TMEM225B: variants seen among roughly 807,000 people sequenced by gnomAD.
TMEM225B encodes transmembrane protein 225-like.
A neutral mutation model predicts 16.9 loss-of-function variants in TMEM225B; 10 were observed. The observed-to-expected ratio is 0.59, with a 90% CI of 0.36 to 1.00. TMEM225B has a LOEUF of 1.00. Among genes scored for constraint, TMEM225B ranks in the 50% least tolerant of loss-of-function variants. TMEM225B has a pLI of 0.01. For synonymous variants in TMEM225B, 92 were observed against 109.8 expected (o/e 0.84, Z 1.01); for missense variants, 217 against 267.0 (o/e 0.81, Z 1.30).
intron 3 of TMEM225B, chr7:99,605,564 G>A (rs1364731720): frequency 6.6e-6 from 1 of 151,452 alleles, no homozygotes; most frequent in African/African-American, 2.4e-5. Context: ...GAGTAGTTGG[G>A]ACTACAGGTG....
intron 1 of TMEM225B, among the ~76,000 whole-genome samples, chr7:99,599,507 G>A (rs1442540707): frequency 6.6e-6 from 1 of 152,128 alleles, no homozygotes; most frequent in Non-Finnish European, 1.5e-5. Context: ...AGGCATGAAT[G>A]CACCACTGCA....
intron 5 of TMEM225B, among the ~76,000 whole-genome samples, chr7:99,608,857 A>ACGTG (rs1212384042): frequency 6.8e-6 from 1 of 147,896 alleles, no homozygotes; most frequent in Non-Finnish European, 1.5e-5. Context: ...ATATATATAT[A>ACGTG]TACACACACA....
intron 2 of TMEM225B, among the ~76,000 whole-genome samples, chr7:99,603,767 T>G (rs963534633): frequency 2.0e-5 from 3 of 151,722 alleles, no homozygotes; most frequent in African/African-American, 4.8e-5. Context: ...AATTTTTTTT[T>G]TTGTTTTTTT....
Position 99,604,384 on chromosome 7 carries a change from A to G in TMEM225B, c.-3-2A>G, listed in dbSNP as rs1805615710. 6.5e-7 allele frequency: 1 copy of G among 1,534,510 alleles called. No individual in the cohort carries two copies. The highest frequency in any genetic ancestry group is 1.7e-4 in the Middle Eastern group (1 of 5,986). ...CTCCACGATCACTTTTCTCTTACACAGGTGATGCTGACGTTAGAGGACAAG... is the reference window on the plus strand; with the variant it reads ...CTCCACGATCACTTTTCTCTTACACGGGTGATGCTGACGTTAGAGGACAAG... On this transcript the variant is annotated splice_acceptor_variant, in intron 2 of 5. Coordinates refer to ENST00000431679, the MANE Select transcript of TMEM225B (RefSeq NM_001195541.3). LOFTEE classifies it low-confidence loss of function (5UTR_SPLICE).
chr7:99,610,055 G>A (rs1258315667), intron 5 of TMEM225B, among the ~76,000 whole-genome samples: 2 of 152,108 alleles, frequency 1.3e-5, no homozygotes, highest in African/African-American at 2.4e-5. Context: ...GTTCTTATTC[G>A]TGTCAGTTGT....
chr7:99,598,561 T>A (rs1562949361), intron 1 of TMEM225B, among the ~76,000 whole-genome samples, 180 bp downstream of exon 1: 2 of 152,102 alleles, frequency 1.3e-5, no homozygotes, highest in Non-Finnish European at 2.9e-5. Context: ...CTTGGGGTCT[T>A]GAAAATATCC....
In TMEM225B at chr7:99,606,210, G is replaced by T. The variant is rs943952786; in HGVS notation, c.209-538G>T. ...GTTGAGAGGCCAAAATGGGAGGATC[G>T]CTGGAGCCCAGGAGGTTGAGGCTGC... On this transcript the variant is annotated intron_variant, in intron 3 of 5. Coordinates refer to ENST00000431679, the MANE Select transcript of TMEM225B (RefSeq NM_001195541.3). Among the ~76,000 whole-genome samples the T allele has an allele frequency of 9.8e-4, 149 of 152,306 alleles. No individual in the cohort carries two copies. In the Middle Eastern group the frequency reaches 0.01, roughly 10 times the overall value.
chr7:99,601,764 G>A (rs1383478424), intron 2 of TMEM225B, among the ~76,000 whole-genome samples: 9 of 152,184 alleles, frequency 5.9e-5, no homozygotes, highest in African/African-American at 2.2e-4. Flanking sequence ...TCTGCCCTCT[G>A]CCATTAGGCT....
rs573935219 is a variant in TMEM225B, at chr7:99,602,034, G to T, written c.-4+1749G>T. On this transcript the variant is annotated intron_variant, in intron 2 of 5. Coordinates refer to ENST00000431679, the MANE Select transcript of TMEM225B (RefSeq NM_001195541.3). Reference sequence around the variant, plus strand: ...ACCGTGATGCTGCCAAGCCCAGCCTGGCACAGGCAAGGGTCCCCAGGTCTG... The same window carrying T: ...ACCGTGATGCTGCCAAGCCCAGCCTTGCACAGGCAAGGGTCCCCAGGTCTG... Among the ~76,000 whole-genome samples, 9 of 152,344 alleles carry T rather than the reference G, an allele frequency of 5.9e-5. No individual in the cohort carries two copies. The South Asian group carries it at 1.7e-3, about 28-fold the overall frequency.
chr7:99,603,745 T>TC (rs1805550534), intron 2 of TMEM225B, among the ~76,000 whole-genome samples: 2 of 147,768 alleles, frequency 1.4e-5, no homozygotes, highest in African/African-American at 5.3e-5. Context: ...TTTTCTTTTT[T>TC]TTAAATTATT....
intron 5 of TMEM225B, among the ~76,000 whole-genome samples, chr7:99,608,734 TAC>T (rs35501095): frequency 0.066 from 7,457 of 113,410 alleles, 227 homozygotes; most frequent in East Asian, 0.14. Flanking sequence ...TATATATATA[TAC>T]ACACACACAC....
intron 2 of TMEM225B, among the ~76,000 whole-genome samples, chr7:99,600,851 C>A (rs948410857): frequency 6.6e-6 from 1 of 151,868 alleles, no homozygotes; most frequent in Non-Finnish European, 1.5e-5. Context: ...GGAGACGTGG[C>A]AGGCGTGGGG....
At position 99,607,828 on chromosome 7, in the gene TMEM225B, A is replaced by C; in HGVS notation, c.493+18A>C. On this transcript the variant is annotated intron_variant, in intron 5 of 5. Coordinates refer to ENST00000431679, the MANE Select transcript of TMEM225B (RefSeq NM_001195541.3). ...AGTGGCTGGTGAGTGTCCAGGGAAC[A>C]GTGCCCTGCTTCTTGTCCTCGGTCT... 1 of 1,534,118 alleles carries C rather than the reference A, an allele frequency of 6.5e-7. No homozygotes were observed. Among genetic ancestry groups the C allele is most frequent in the Non-Finnish European group, 8.7e-7 (1 of 1,145,932 alleles).
At chr7:99,607,565 G>T (rs747622960) in intron 4 of TMEM225B, 108 bp from the exon 5 acceptor site, 5 of 1,123,384 alleles carry the variant, frequency 4.5e-6, no homozygotes, top group Non-Finnish European at 6.1e-6. Context: ...GTTTCAGAGA[G>T]GGGGCAAGGA....
intron 2 of TMEM225B, among the ~76,000 whole-genome samples, 158 bp from the exon 3 acceptor site, chr7:99,604,228 T>C (rs1051338377): frequency 4.6e-5 from 7 of 152,090 alleles, no homozygotes; most frequent in African/African-American, 1.4e-4. Context: ...CAGAGGTGTA[T>C]AGGCTGTAAA....
chr7:99,604,997 AAAC>A (rs143208811), intron 3 of TMEM225B, among the ~76,000 whole-genome samples: 5,321 of 138,358 alleles, frequency 0.038, 214 homozygotes, highest in African/African-American at 0.11. Context: ...CCCTGTCTCA[AAAC>A]AACAACAACA....
chr7:99,606,814 T>C lies in TMEM225B; in HGVS notation c.275T>C (p.Ile92Thr), dbSNP rs971826151. Residue 92 changes from isoleucine to threonine, a missense_variant, in exon 4 of 6, where the codon ATC (isoleucine) becomes ACC (threonine). Coordinates refer to ENST00000431679, the MANE Select transcript of TMEM225B (RefSeq NM_001195541.3). ...TTCTTGGCTTTCGTCACCACCTTCATCATGATGCCCTTTGCATCCGAGTTC... is the reference window on the plus strand; with the variant it reads ...TTCTTGGCTTTCGTCACCACCTTCACCATGATGCCCTTTGCATCCGAGTTC... ...AVFLAFVTTFIMMPFASEFFP... is the reference protein window; with the variant it reads ...AVFLAFVTTFTMMPFASEFFP... The C allele has an allele frequency of 1.5e-4, 225 of 1,535,984 alleles. 1 individual carries two copies. Among genetic ancestry groups the C allele is most frequent in the Non-Finnish European group, 1.9e-4 (213 of 1,146,898 alleles).
intron 5 of TMEM225B, among the ~76,000 whole-genome samples, chr7:99,608,725 A>C (rs1806042848): frequency 7.9e-6 from 1 of 126,236 alleles, no homozygotes; most frequent in African/African-American, 3.9e-5. Context: ...AAATATATAT[A>C]TATATATATA....
chr7:99,610,288 G>C, intron 5 of TMEM225B, 105 bp from the exon 6 acceptor site: 2 of 735,720 alleles, frequency 2.7e-6, no homozygotes, highest in Non-Finnish European at 4.4e-6. Context: ...TCTAGATTGG[G>C]GGGCAGAATG....
Sources: gnomAD v4.1 joint callset for allele counts (sites outside exome capture counted in the v4.1 genomes callset) on GRCh38, gnomAD v4.1.1 for gene constraint, MANE v1.5 for transcripts, NCBI Gene and HGNC (gene_info 2026-07-23, HGNC 2026-07-21) for gene names.